Variants in TTC39C observed in about 807,000 individuals in gnomAD.
The protein encoded by TTC39C is tetratricopeptide repeat protein 39C.
Under a neutral mutation model 76.3 loss-of-function variants are expected in TTC39C, and 33 were observed. That is an observed-to-expected ratio of 0.43 (90% CI 0.33 to 0.58). The LOEUF (loss-of-function observed/expected upper bound fraction) is 0.58. Ranked by LOEUF, TTC39C falls within the 20% of genes least tolerant of loss-of-function variation. The pLI is 0.04. For synonymous variants in TTC39C, 254 were observed against 260.6 expected (o/e 0.97, Z 0.24); for missense variants, 595 against 701.4 (o/e 0.85, Z 1.71).
intron 1 of TTC39C, among the ~76,000 whole-genome samples, chr18:24,007,316 G>C (rs2083361646): frequency 6.6e-6 from 1 of 152,148 alleles, no homozygotes; most frequent in African/African-American, 2.4e-5. Flanking sequence ...ATAATACTTA[G>C]GGATTATTAA....
At chr18:24,015,945 C>T (rs1046578642) in intron 1 of TTC39C, among the ~76,000 whole-genome samples, 1 of 152,104 alleles carries the variant, frequency 6.6e-6, no homozygotes, top group African/African-American at 2.4e-5. Context: ...GCCTTAAGGA[C>T]GTTGATTAGC....
intron 6 of TTC39C, among the ~76,000 whole-genome samples, chr18:24,103,234 A>G (rs1474934198): frequency 6.6e-6 from 1 of 152,262 alleles, no homozygotes; most frequent in Admixed American, 6.5e-5. Flanking sequence ...ATGTCAAGGT[A>G]CAGATAAACG....
chr18:24,066,905 A>G (rs951221181), intron 3 of TTC39C, among the ~76,000 whole-genome samples: 2 of 152,236 alleles, frequency 1.3e-5, no homozygotes, highest in Non-Finnish European at 2.9e-5. Flanking sequence ...CATCCTGCAC[A>G]GTAGATGTTA....
At chr18:24,000,855 C>T (rs1271705901) in intron 1 of TTC39C, among the ~76,000 whole-genome samples, 1 of 152,120 alleles carries the variant, frequency 6.6e-6, no homozygotes, top group Non-Finnish European at 1.5e-5. Flanking sequence ...CCTGGTTATC[C>T]CAGTAATCTC....
chr18:24,119,767 AC>A (rs1251886500), intron 8 of TTC39C, among the ~76,000 whole-genome samples: 5 of 152,184 alleles, frequency 3.3e-5, no homozygotes, highest in Admixed American at 1.3e-4. Flanking sequence ...TTGTTGAGTG[AC>A]TCAGTGTGTT....
intron 10 of TTC39C, among the ~76,000 whole-genome samples, chr18:24,128,476 A>T (rs192645893): frequency 1.3e-4 from 19 of 151,518 alleles, no homozygotes; most frequent in African/African-American, 4.6e-4. Flanking sequence ...ATTGAATCTC[A>T]GTATCTTTAT....
intron 1 of TTC39C, among the ~76,000 whole-genome samples, chr18:23,995,056 A>AACT (rs1401891012): frequency 1.3e-5 from 2 of 152,140 alleles, no homozygotes; most frequent in Non-Finnish European, 2.9e-5. Flanking sequence ...TATGATACAG[A>AACT]ACTATTCCTT....
In TTC39C at chr18:24,123,963, T is replaced by TC. The variant is rs773817407; in HGVS notation, c.1296+21dup. On this transcript the variant is annotated intron_variant, in intron 9 of 13. Transcript: ENST00000317571. ...AAAAAGGTATGTTGGAGCCTATTGA[T>TC]CTGGTGTATTACTTATGATGGGCAT... 129 of 1,565,012 alleles carry TC rather than the reference T, an allele frequency of 8.2e-5. No homozygotes were observed. The highest frequency in any genetic ancestry group is 1.1e-4 in the Non-Finnish European group (123 of 1,145,380).
chr18:24,005,467 C>A lies in TTC39C; in HGVS notation c.-17+12429C>A, dbSNP rs554709999. 3.3e-5 allele frequency among the ~76,000 whole-genome samples: 5 copies of A among 152,172 alleles called. No individual in the cohort carries two copies. In the East Asian group the frequency reaches 9.6e-4, roughly 29 times the overall value. ...AACTCCCTTCTCCCACTGCTCTGCACCCTGTGGTTTAAAATGATTAAAATT... is the reference window on the plus strand; with the variant it reads ...AACTCCCTTCTCCCACTGCTCTGCAACCTGTGGTTTAAAATGATTAAAATT... On this transcript the variant is annotated intron_variant, in intron 1 of 13. Transcript: ENST00000304621.
chr18:24,015,089 C>G, intron 1 of TTC39C, 51 bp downstream of exon 1: 1 of 1,359,598 alleles, frequency 7.4e-7, no homozygotes, highest in South Asian at 1.8e-5. Context: ...ACCTCGTGTC[C>G]GGCTCACGCG....
At chr18:24,054,932 T>C (rs147283167) in intron 1 of TTC39C, among the ~76,000 whole-genome samples, 178 of 152,346 alleles carry the variant, frequency 1.2e-3, no homozygotes, top group African/African-American at 3.9e-3. Flanking sequence ...ACAACCACTG[T>C]TGTGCTTTCT....
chr18:24,102,587 G>A (rs916142220), intron 6 of TTC39C, among the ~76,000 whole-genome samples: 7 of 152,178 alleles, frequency 4.6e-5, no homozygotes, highest in Non-Finnish European at 1.0e-4. Context: ...AGGCTGTGGG[G>A]CGGGGAGGTC....
intron 1 of TTC39C, among the ~76,000 whole-genome samples, chr18:24,022,239 A>T (rs1276918709): frequency 6.6e-6 from 1 of 152,202 alleles, no homozygotes; most frequent in Non-Finnish European, 1.5e-5. Flanking sequence ...CTGAGGGATG[A>T]CTACATATGT....
intron 1 of TTC39C, among the ~76,000 whole-genome samples, chr18:24,050,294 G>A (rs1004959271): frequency 2.1e-4 from 32 of 152,094 alleles, no homozygotes; most frequent in African/African-American, 7.0e-4. Flanking sequence ...ATGTGGCCTG[G>A]TGCAGTGGCT....
chr18:24,086,064 C>T (rs1245693753), intron 6 of TTC39C, among the ~76,000 whole-genome samples: 2 of 152,126 alleles, frequency 1.3e-5, no homozygotes, highest in Non-Finnish European at 2.9e-5. Flanking sequence ...CCTTGAAGGC[C>T]CTGACTCAGT....
At chr18:24,128,169 T>C (rs4800547) in intron 10 of TTC39C, among the ~76,000 whole-genome samples, 73,381 of 152,062 alleles carry the variant, frequency 0.48, 20,790 homozygotes, top group Non-Finnish European at 0.65. Flanking sequence ...TCAATAAATA[T>C]TGAATGAATG....
At chr18:24,059,679 T>C (rs2084066619) in intron 1 of TTC39C, among the ~76,000 whole-genome samples, 1 of 152,348 alleles carries the variant, frequency 6.6e-6, no homozygotes, top group Admixed American at 6.5e-5. Context: ...TGAACATACA[T>C]GTGCATGTGT....
intron 1 of TTC39C, among the ~76,000 whole-genome samples, chr18:24,050,875 GAA>G (rs56836246): frequency 2.1e-5 from 3 of 142,780 alleles, no homozygotes; most frequent in African/African-American, 7.8e-5. Context: ...TCCATCTCAG[GAA>G]AAAAAAAAAA....
At position 24,113,007 on chromosome 18, in the gene TTC39C, C is replaced by T. The variant is rs1193784307; in HGVS notation, c.985-1547C>T. Among the ~76,000 whole-genome samples the T allele has an allele frequency of 2.0e-5, 3 of 152,088 alleles. No individual in the cohort carries two copies. In the South Asian group the frequency reaches 6.2e-4, roughly 32 times the overall value. ...TGTGTTTGAGCTGTGTGCTAACAGT[C>T]AGTGTCAATGTCTGCCTTCTGAGCT... On this transcript the variant is annotated intron_variant, in intron 6 of 13. Coordinates refer to ENST00000317571, the MANE Select transcript of TTC39C (RefSeq NM_001135993.2).
Sources: gnomAD v4.1 joint callset for allele counts (sites outside exome capture counted in the v4.1 genomes callset) on GRCh38, gnomAD v4.1.1 for gene constraint, MANE v1.5 for transcripts, NCBI Gene and HGNC (gene_info 2026-07-23, HGNC 2026-07-21) for gene names.